Variants in ROBO2 observed in about 807,000 individuals in gnomAD.
The protein encoded by ROBO2 is roundabout guidance receptor 2, also known as roundabout homolog 2.
A neutral mutation model predicts 160.8 loss-of-function variants in ROBO2; 53 were observed. That is an observed-to-expected ratio of 0.33 (90% CI 0.26 to 0.41). The LOEUF (loss-of-function observed/expected upper bound fraction) is 0.41. Ranked by LOEUF, ROBO2 falls within the 10% of genes least tolerant of loss-of-function variation. ROBO2 has a pLI of 1.00. For synonymous variants in ROBO2, 664 were observed against 611.7 expected, an observed-to-expected ratio of 1.09 and a Z score of -1.26; for missense variants, 1,577 against 1,722.4, an observed-to-expected ratio of 0.92 and a Z score of 1.49.
intron 2 of ROBO2, among the ~76,000 whole-genome samples, chr3:76,290,764 G>C (rs928769247): frequency 1.3e-5 from 2 of 151,934 alleles, no homozygotes; most frequent in African/African-American, 4.8e-5. Flanking sequence ...ACTTTTCTGC[G>C]TTTATTGAGA....
chr3:76,966,716 C>T (rs1040276774), intron 2 of ROBO2, among the ~76,000 whole-genome samples: 1 of 152,180 alleles, frequency 6.6e-6, no homozygotes, highest in South Asian at 2.1e-4. Context: ...CATTGCTATT[C>T]TCACCTATGA....
intron 2 of ROBO2, among the ~76,000 whole-genome samples, chr3:77,167,501 CT>C (rs1426658844): frequency 1.3e-5 from 2 of 152,094 alleles, no homozygotes; most frequent in Non-Finnish European, 2.9e-5. Flanking sequence ...TACTTGGGAA[CT>C]TTTTTTCCTT....
chr3:75,927,703 A>T (rs1272772658), intron 1 of ROBO2, among the ~76,000 whole-genome samples: 1 of 152,222 alleles, frequency 6.6e-6, no homozygotes, highest in Non-Finnish European at 1.5e-5. Context: ...GGAATTTCCC[A>T]AATGCCAGCA....
intron 2 of ROBO2, among the ~76,000 whole-genome samples, chr3:76,141,060 C>CACATATATATATATATAT (rs540516906): frequency 1.9e-5 from 1 of 53,576 alleles, no homozygotes; most frequent in African/African-American, 7.0e-5. Flanking sequence ...TTTTTACATA[C>CACATATATATATATATAT]ATATATATAT....
At chr3:76,133,260 G>A (rs917308584) in intron 2 of ROBO2, among the ~76,000 whole-genome samples, 2 of 151,946 alleles carry the variant, frequency 1.3e-5, no homozygotes, top group African/African-American at 4.8e-5. Flanking sequence ...CCAGATTTTA[G>A]GTAAGATTTC....
At chr3:77,158,570 TA>T (rs2078215099) in intron 2 of ROBO2, among the ~76,000 whole-genome samples, 1 of 151,850 alleles carries the variant, frequency 6.6e-6, no homozygotes, top group South Asian at 2.1e-4. Context: ...AGGGGATAAA[TA>T]CCTCTCTAGC....
At chr3:76,944,999 C>T (rs1017610315) in intron 2 of ROBO2, among the ~76,000 whole-genome samples, 5 of 152,028 alleles carry the variant, frequency 3.3e-5, no homozygotes, top group Non-Finnish European at 5.9e-5. Context: ...CGCCATTCTC[C>T]TGCCTCAGCC....
chr3:77,150,595 T>C (rs1199221143), intron 2 of ROBO2, among the ~76,000 whole-genome samples: 1 of 152,176 alleles, frequency 6.6e-6, no homozygotes, highest in Non-Finnish European at 1.5e-5. Context: ...GTAAACTATT[T>C]TTTTTTCCCT....
chr3:76,956,578 G>GA (rs2079285478), intron 2 of ROBO2, among the ~76,000 whole-genome samples: 3 of 147,198 alleles, frequency 2.0e-5, no homozygotes, highest in African/African-American at 7.6e-5. Flanking sequence ...AAAAGAAAAA[G>GA]AAGCTAATCT....
At chr3:76,706,244 A>G (rs2093160752) in intron 2 of ROBO2, among the ~76,000 whole-genome samples, 1 of 152,144 alleles carries the variant, frequency 6.6e-6, no homozygotes, top group South Asian at 2.1e-4. Flanking sequence ...ACAAACAATT[A>G]TAAAGAAACA....
chr3:76,757,182 G>C (rs971434462), intron 2 of ROBO2, among the ~76,000 whole-genome samples: 1 of 151,874 alleles, frequency 6.6e-6, no homozygotes, highest in East Asian at 2.0e-4. Flanking sequence ...TGGAGATAGA[G>C]GTTATATTTA....
chr3:77,240,793 AT>A (rs1279147306), intron 2 of ROBO2, among the ~76,000 whole-genome samples: 2 of 152,202 alleles, frequency 1.3e-5, no homozygotes, highest in East Asian at 3.8e-4. Flanking sequence ...GAAGCTGCTA[AT>A]CTTTACCCAG....
rs1254981996 is a variant in ROBO2 at position 77,289,836 on chromosome 3, A to C, written c.389-187578A>C. The stretch of plus-strand genomic sequence containing the variant: ...AGTAAAATTGACAGTTAAACAGGTA[A>C]GCTGAGGCTAGGTCACCAAAGACAT... On this transcript the variant is annotated intron_variant, in intron 2 of 25. Coordinates refer to ENST00000461745, the Ensembl canonical transcript of ROBO2. 2.6e-5 allele frequency among the ~76,000 whole-genome samples: 4 copies of C among 152,030 alleles called. No homozygotes were observed. The East Asian group carries it at 7.8e-4, about 30-fold the overall frequency.
At chr3:76,273,233 G>A (rs183363324) in intron 2 of ROBO2, among the ~76,000 whole-genome samples, 229 of 147,534 alleles carry the variant, frequency 1.6e-3, no homozygotes, top group African/African-American at 5.5e-3. Flanking sequence ...CTTCTACAGT[G>A]AGACTCATTC....
chr3:77,589,221 A>AACAC (rs3073102), intron 17 of ROBO2, among the ~76,000 whole-genome samples: 5 of 151,462 alleles, frequency 3.3e-5, no homozygotes, highest in Non-Finnish European at 7.4e-5. Context: ...CATAAACTCA[A>AACAC]ACACACACAC....
At chr3:77,638,850 G>C (rs947786084) in intron 24 of ROBO2, among the ~76,000 whole-genome samples, 2 of 138,158 alleles carry the variant, frequency 1.4e-5, no homozygotes, top group Admixed American at 7.3e-5. Flanking sequence ...TTTTGAGAGG[G>C]AGTTTTGTTC....
intron 2 of ROBO2, among the ~76,000 whole-genome samples, chr3:76,469,151 T>G (rs2078516915): frequency 6.6e-6 from 1 of 152,096 alleles, no homozygotes; most frequent in Non-Finnish European, 1.5e-5. Context: ...TCATTTTTCA[T>G]ATTACCTCAA....
intron 2 of ROBO2, among the ~76,000 whole-genome samples, chr3:76,911,131 G>A (rs2075968331): frequency 6.6e-6 from 1 of 152,126 alleles, no homozygotes; most frequent in South Asian, 2.1e-4. Context: ...AAAAAGTATG[G>A]TACTTGGTGG....
At chr3:76,994,757 G>A (rs557891910) in intron 2 of ROBO2, among the ~76,000 whole-genome samples, 30 of 152,218 alleles carry the variant, frequency 2.0e-4, no homozygotes, top group African/African-American at 7.2e-4. Context: ...AAAAATGTAT[G>A]TTAATATTTT....
Sources: allele counts gnomAD v4.1 joint callset (sites outside exome capture counted in the v4.1 genomes callset), GRCh38; gene constraint gnomAD v4.1.1; transcripts MANE v1.5; gene names NCBI Gene and HGNC (gene_info 2026-07-23, HGNC 2026-07-21).